PBRM1: variants seen among roughly 807,000 people sequenced by gnomAD.
The protein encoded by PBRM1 is polybromo 1, also known as protein polybromo-1.
PBRM1 carries 27 observed loss-of-function variants against 194.5 expected under a neutral mutation model. That is an observed-to-expected ratio of 0.14 (90% CI 0.10 to 0.19). PBRM1 has a LOEUF of 0.19. Among genes scored for constraint, PBRM1 ranks in the 10% least tolerant of loss-of-function variants. PBRM1 has a pLI of 1.00. For synonymous variants in PBRM1, 655 were observed against 693.2 expected, an observed-to-expected ratio of 0.94 and a Z score of 0.87; for missense variants, 1,466 against 2,077.2, an observed-to-expected ratio of 0.71 and a Z score of 5.72.
chr3:52,621,672 C>T (rs773850721), intron 13 of PBRM1, among the ~76,000 whole-genome samples: 1 of 152,188 alleles, frequency 6.6e-6, no homozygotes, highest in Non-Finnish European at 1.5e-5. Flanking sequence ...TTAAAATCAG[C>T]ACCTTTAAGC....
At chr3:52,648,905 T>C (rs921244000) in intron 6 of PBRM1, among the ~76,000 whole-genome samples, 1 of 152,218 alleles carries the variant, frequency 6.6e-6, no homozygotes, top group African/African-American at 2.4e-5. Flanking sequence ...TACTGTGTGC[T>C]AGAGCTGTCA....
intron 24 of PBRM1, among the ~76,000 whole-genome samples, chr3:52,562,344 A>T (rs796595827): frequency 0.02 from 2,069 of 103,808 alleles, 22 homozygotes; most frequent in South Asian, 0.074. Flanking sequence ...AAAAAAAAAA[A>T]TTTTTCAGAA....
At chr3:52,585,129 T>C (rs1469980499) in intron 20 of PBRM1, among the ~76,000 whole-genome samples, 1 of 152,220 alleles carries the variant, frequency 6.6e-6, no homozygotes, top group Admixed American at 6.5e-5. Context: ...TTGATTTCAC[T>C]TACTTTTTCC....
chr3:52,592,428 G>A (rs114643113), intron 17 of PBRM1, among the ~76,000 whole-genome samples: 6,021 of 152,182 alleles, frequency 0.04, 396 homozygotes, highest in African/African-American at 0.14. Flanking sequence ...CACCACACCT[G>A]GCTGTCTTTA....
At chr3:52,641,904 TAGAAGGATCCACTA>T in intron 10 of PBRM1, 36 bp downstream of exon 11, 1 of 1,065,236 alleles carries the variant, frequency 9.4e-7, no homozygotes, top group Non-Finnish European at 1.5e-6. Flanking sequence ...TTCATTTAGC[TAGAAGGATCCACTA>T]AGAAGGCATT....
At chr3:52,582,304 T>A (rs2091439501) in intron 20 of PBRM1, among the ~76,000 whole-genome samples, 1 of 150,210 alleles carries the variant, frequency 6.7e-6, no homozygotes, top group Non-Finnish European at 1.5e-5. Flanking sequence ...AATAAAGATA[T>A]GAGACCAAAA....
Position 52,617,162 on chromosome 3 carries a change from C to G in PBRM1, c.1818+100G>C, listed in dbSNP as rs760178877. 5.4e-4 allele frequency: 473 copies of G among 872,540 alleles called. 1 individual carries two copies. Among genetic ancestry groups the G allele is most frequent in the Non-Finnish European group, 7.4e-4 (437 of 590,616 alleles). 54.0% of individuals were successfully genotyped at this position (872,540 alleles called of 1,614,324 possible). ...TAACCTAGTCACCAAAAAGAATAAT[C>G]TAAGTTAAGCCTCTAGAGCTGGTCT... On this transcript the variant is annotated intron_variant, in intron 14 of 29. Transcript: ENST00000296302.
At chr3:52,595,133 C>A (rs563100203) in intron 17 of PBRM1, among the ~76,000 whole-genome samples, 1 of 152,054 alleles carries the variant, frequency 6.6e-6, no homozygotes, top group Non-Finnish European at 1.5e-5. Context: ...AGTTCTTGTG[C>A]TGGTTCTTTC....
At chr3:52,653,818 G>C (rs1402215018) in intron 5 of PBRM1, among the ~76,000 whole-genome samples, 1 of 151,936 alleles carries the variant, frequency 6.6e-6, no homozygotes, top group Non-Finnish European at 1.5e-5. Flanking sequence ...GCTGAGGCAG[G>C]AGAATCGCTT....
intron 26 of PBRM1, among the ~76,000 whole-genome samples, chr3:52,557,481 G>T (rs546074575): frequency 1.3e-5 from 2 of 152,224 alleles, no homozygotes; most frequent in Non-Finnish European, 2.9e-5. Flanking sequence ...CTCAAAGAAG[G>T]GGCCCGAGAA....
chr3:52,591,240 C>A (rs1414919081), intron 17 of PBRM1, among the ~76,000 whole-genome samples: 2 of 152,056 alleles, frequency 1.3e-5, no homozygotes, highest in Non-Finnish European at 2.9e-5. Context: ...ATTTGAATAC[C>A]CTTTATTTCT....
chr3:52,586,627 C>T (rs757754297), exon 20 of PBRM1: 6 of 1,612,448 alleles, frequency 3.7e-6, no homozygotes, highest in South Asian at 1.1e-5. Flanking sequence ...GGCAGAATAC[C>T]GTGATTCACA....
chr3:52,605,139 T>C (rs1322398157), intron 16 of PBRM1, among the ~76,000 whole-genome samples: 1 of 152,214 alleles, frequency 6.6e-6, no homozygotes, highest in East Asian at 1.9e-4. Context: ...GGTCTTGCCC[T>C]GTCACCCAGA....
At chr3:52,666,234 A>G (rs934516737) in intron 3 of PBRM1, among the ~76,000 whole-genome samples, 3 of 152,142 alleles carry the variant, frequency 2.0e-5, no homozygotes, top group Non-Finnish European at 1.5e-5. Flanking sequence ...TCGGCAACTT[A>G]ATGAGACCTC....
intron 2 of PBRM1, among the ~76,000 whole-genome samples, chr3:52,676,395 AGTGATT>A (rs1335233823): frequency 1.3e-5 from 2 of 152,134 alleles, no homozygotes; most frequent in Non-Finnish European, 2.9e-5. Flanking sequence ...TTCTCGTGAT[AGTGATT>A]AAGTTGCATG....
chr3:52,645,765 T>C (rs1229241444), intron 7 of PBRM1, among the ~76,000 whole-genome samples: 1 of 152,072 alleles, frequency 6.6e-6, no homozygotes, highest in Admixed American at 6.6e-5. Flanking sequence ...ATGTCCCAGG[T>C]GAGACCAGAT....
At chr3:52,655,721 T>C (rs544426957) in intron 5 of PBRM1, among the ~76,000 whole-genome samples, 3 of 152,316 alleles carry the variant, frequency 2.0e-5, no homozygotes, top group Admixed American at 6.5e-5. Context: ...GATTCACACA[T>C]AGGACAGCAG....
intron 11 of PBRM1, among the ~76,000 whole-genome samples, chr3:52,629,622 G>A (rs564869074): frequency 1.1e-4 from 17 of 152,304 alleles, no homozygotes; most frequent in Middle Eastern, 3.4e-3. Flanking sequence ...GCAGCTTAAA[G>A]CTGGGATTTT....
downstream of PBRM1, chr3:52,546,937 A>G (rs1455729704): frequency 4.3e-6 from 1 of 233,128 alleles, no homozygotes; most frequent in African/African-American, 2.2e-5. Flanking sequence ...TTGAAACTTA[A>G]AAGAAAAAAT....
Sources: gnomAD v4.1 joint callset for allele counts (sites outside exome capture counted in the v4.1 genomes callset) on GRCh38, gnomAD v4.1.1 for gene constraint, MANE v1.5 for transcripts, NCBI Gene and HGNC (gene_info 2026-07-23, HGNC 2026-07-21) for gene names.